Variants in MICU1 observed in about 807,000 individuals in gnomAD.
The protein encoded by MICU1 is mitochondrial calcium uptake 1.
A neutral mutation model predicts 56.8 loss-of-function variants in MICU1; 45 were observed. The ratio of observed to expected loss-of-function variants is 0.79; its 90% CI spans 0.62 to 1.02. The LOEUF is 1.02. Among genes scored for constraint, MICU1 ranks in the 50% least tolerant of loss-of-function variants. MICU1 has a pLI of 0.00. For missense variants in MICU1, 504 were observed against 587.1 expected, an observed-to-expected ratio of 0.86 and a Z score of 1.46; for synonymous variants, 186 against 195.1, an observed-to-expected ratio of 0.95 and a Z score of 0.39.
At chr10:72,521,204 A>G (rs1867810314) in intron 5 of MICU1, among the ~76,000 whole-genome samples, 2 of 152,164 alleles carry the variant, frequency 1.3e-5, no homozygotes, top group African/African-American at 4.8e-5. Context: ...AAAATGTATC[A>G]TAAGAACAAA....
At chr10:72,422,391 T>A (rs1864203954) in intron 9 of MICU1, among the ~76,000 whole-genome samples, 1 of 152,214 alleles carries the variant, frequency 6.6e-6, no homozygotes, top group Non-Finnish European at 1.5e-5. Flanking sequence ...ACCCAGTCTG[T>A]GGTATGTTGT....
intron 1 of MICU1, among the ~76,000 whole-genome samples, chr10:72,601,428 TAAAAAAAAAAAAA>T (rs77385847): frequency 3.3e-5 from 3 of 91,018 alleles, no homozygotes; most frequent in Non-Finnish European, 6.7e-5. Flanking sequence ...ACCCTGTCTT[TAAAAAAAAAAAAA>T]AAAAAAAGGA....
intron 5 of MICU1, among the ~76,000 whole-genome samples, chr10:72,513,914 C>T (rs1867564843): frequency 6.6e-6 from 1 of 151,974 alleles, no homozygotes; most frequent in Non-Finnish European, 1.5e-5. Context: ...ATGCCAGTAC[C>T]ACATCATTTA....
chr10:72,553,231 CTTCT>C (rs1840079247), intron 3 of MICU1, among the ~76,000 whole-genome samples: 1 of 128,482 alleles, frequency 7.8e-6, no homozygotes, highest in Non-Finnish European at 1.6e-5. Context: ...AAATACCTTT[CTTCT>C]TTTTTTTTTT....
chr10:72,619,691 G>A (rs182733307), intron 1 of MICU1, among the ~76,000 whole-genome samples: 8 of 152,270 alleles, frequency 5.3e-5, no homozygotes, highest in Non-Finnish European at 7.3e-5. Flanking sequence ...AGTAAATTAC[G>A]AGAACCAAGA....
chr10:72,588,656 A>C (rs1163453762), intron 1 of MICU1, among the ~76,000 whole-genome samples: 1 of 152,226 alleles, frequency 6.6e-6, no homozygotes, highest in Non-Finnish European at 1.5e-5. Flanking sequence ...GTAAACCTGG[A>C]AAACACAGTT....
At chr10:72,394,611 G>C (rs1863185131) in intron 10 of MICU1, among the ~76,000 whole-genome samples, 1 of 150,530 alleles carries the variant, frequency 6.6e-6, no homozygotes, top group South Asian at 2.1e-4. Context: ...AGGTGACAAA[G>C]ACTCTGTCTC....
intron 1 of MICU1, among the ~76,000 whole-genome samples, chr10:72,602,394 T>C (rs974629266): frequency 6.6e-6 from 1 of 151,402 alleles, no homozygotes; most frequent in African/African-American, 2.4e-5. Context: ...GAGGTTGCAG[T>C]GAGACAACAT....
chr10:72,460,206 GTT>G (rs1195277397), intron 8 of MICU1, among the ~76,000 whole-genome samples: 1 of 152,144 alleles, frequency 6.6e-6, no homozygotes, highest in African/African-American at 2.4e-5. Flanking sequence ...ACTGCATTTT[GTT>G]TTTGTTTCCC....
chr10:72,548,501 AT>A (rs1289447748), intron 4 of MICU1, among the ~76,000 whole-genome samples: 2 of 152,204 alleles, frequency 1.3e-5, no homozygotes, highest in African/African-American at 4.8e-5. Flanking sequence ...ATGCAAAAGT[AT>A]TTACAGGTTG....
chr10:72,548,861 T>G (rs1349410298), intron 4 of MICU1, among the ~76,000 whole-genome samples: 2 of 152,190 alleles, frequency 1.3e-5, no homozygotes, highest in Non-Finnish European at 2.9e-5. Context: ...CACACCCAGC[T>G]AATTTTTGTA....
At chr10:72,476,896 C>T (rs1190445686) in intron 7 of MICU1, among the ~76,000 whole-genome samples, 2 of 152,174 alleles carry the variant, frequency 1.3e-5, no homozygotes, top group East Asian at 1.9e-4. Context: ...CATAATTTAG[C>T]TTCCCAGCTA....
At chr10:72,530,009 GA>G (rs1357998689) in intron 5 of MICU1, among the ~76,000 whole-genome samples, 1 of 127,862 alleles carries the variant, frequency 7.8e-6, no homozygotes, top group East Asian at 2.4e-4. Flanking sequence ...GGTGCATTTA[GA>G]AAGAATCTAT....
rs548042882 is a variant in MICU1, at chr10:72,482,836, C to T, written c.653-5580G>A. Among the ~76,000 whole-genome samples, 159 of 144,764 alleles carry T rather than the reference C, an allele frequency of 1.1e-3. 1 individual carries two copies. Among genetic ancestry groups the T allele is most frequent in the African/African-American group, 3.0e-3 (118 of 39,632 alleles). The allele number at this position is 144,764 out of a possible 152,430, so 95.0% of individuals were successfully genotyped here. On this transcript the variant is annotated intron_variant, in intron 6 of 11. Transcript: ENST00000361114. ...CCCATAAATGCACTATATATATATA[C>T]ATATATATATATATATTTATTTATT...
intron 4 of MICU1, among the ~76,000 whole-genome samples, chr10:72,540,411 C>T (rs1459900247): frequency 6.6e-6 from 1 of 151,276 alleles, no homozygotes; most frequent in East Asian, 1.9e-4. Flanking sequence ...TGGTATCTTA[C>T]ACTTATAATC....
At chr10:72,537,607 G>A (rs1839668186) in intron 4 of MICU1, among the ~76,000 whole-genome samples, 1 of 152,056 alleles carries the variant, frequency 6.6e-6, no homozygotes, top group Non-Finnish European at 1.5e-5. Flanking sequence ...CACTACCTTT[G>A]CCTTTTTATT....
intron 6 of MICU1, among the ~76,000 whole-genome samples, chr10:72,485,892 C>T (rs150308369): frequency 1.3e-4 from 19 of 151,478 alleles, no homozygotes; most frequent in African/African-American, 4.1e-4. Context: ...CACACACACA[C>T]ACACACGCAC....
chr10:72,430,618 T>C (rs1270120620), intron 8 of MICU1, among the ~76,000 whole-genome samples: 1 of 152,182 alleles, frequency 6.6e-6, no homozygotes, highest in African/African-American at 2.4e-5. Context: ...TGGAGTGCAA[T>C]GGCGTGATCT....
In MICU1 at chr10:72,495,896, C is replaced by T. The variant is rs117866396; in HGVS notation, c.652+12259G>A. 3.7e-4 allele frequency among the ~76,000 whole-genome samples: 56 copies of T among 151,784 alleles called. No individual in the cohort carries two copies. The East Asian group carries it at 9.1e-3, about 25-fold the overall frequency. On this transcript the variant is annotated intron_variant, in intron 6 of 11. Transcript: ENST00000361114. Reference sequence around the variant, plus strand: ...CCTTAAGACATTTAAAAATGCTAGACGGGATACTGAGGATGCCTGGAGCAA... The same window carrying T: ...CCTTAAGACATTTAAAAATGCTAGATGGGATACTGAGGATGCCTGGAGCAA...
Sources: allele counts gnomAD v4.1 joint callset (sites outside exome capture counted in the v4.1 genomes callset), GRCh38; gene constraint gnomAD v4.1.1; transcripts MANE v1.5; gene names NCBI Gene and HGNC (gene_info 2026-07-23, HGNC 2026-07-21).